Variants in ITGAL observed in about 807,000 individuals in gnomAD.
The protein encoded by ITGAL is integrin subunit alpha L, also known as integrin alpha-L.
Under a neutral mutation model 138.4 loss-of-function variants are expected in ITGAL, and 68 were observed. That is an observed-to-expected ratio of 0.49 (90% confidence interval 0.40 to 0.60). ITGAL has a LOEUF of 0.60. ITGAL is among the 20% of genes least tolerant of loss of function. The pLI is 0.00. For synonymous variants in ITGAL, 561 were observed against 584.3 expected (o/e 0.96, Z 0.57); for missense variants, 1,256 against 1,478.6 (o/e 0.85, Z 2.47).
At chr16:30,503,478 A>C (rs1198633553) in intron 17 of ITGAL, among the ~76,000 whole-genome samples, 1 of 123,308 alleles carries the variant, frequency 8.1e-6, no homozygotes, top group African/African-American at 3.1e-5. Flanking sequence ...GGACAGAAGG[A>C]GGGAGGATGA....
At position 30,494,683 on chromosome 16, in the gene ITGAL, G is replaced by A. The variant is rs528950104; in HGVS notation, c.1366-30G>A. The A allele has an allele frequency of 1.5e-5, 24 of 1,579,328 alleles. No individual in the cohort carries two copies. The highest frequency in any genetic ancestry group is 3.4e-5 in the South Asian group (3 of 87,192). On this transcript the variant is annotated intron_variant, in intron 12 of 30. Coordinates refer to ENST00000356798, the MANE Select transcript of ITGAL (RefSeq NM_002209.3). The surrounding 1 kb of genome is among the most constrained non-coding windows in gnomAD (Gnocchi z 4.2). ...GCCAACCCCTGCTGTTCCCACAGGC[G>A]CTTCCCCAAACACCTGCCTCTCCCC...
intron 5 of ITGAL, 33 bp downstream of exon 5, chr16:30,479,241 C>A: frequency 6.2e-7 from 1 of 1,612,604 alleles, no homozygotes; most frequent in Non-Finnish European, 8.5e-7. Context: ...GGTAAAAATA[C>A]CTCCAAATGG....
At chr16:30,480,970 C>T (rs1362446421) in intron 6 of ITGAL, 1 of 164,566 alleles carries the variant, frequency 6.1e-6, no homozygotes, top group Non-Finnish European at 1.3e-5. Flanking sequence ...GCACTCCAGC[C>T]TGGGAGACAG....
At chr16:30,513,882 C>G (rs1320492534) in intron 25 of ITGAL, 36 bp downstream of exon 25, 1 of 1,461,256 alleles carries the variant, frequency 6.8e-7, no homozygotes, top group Non-Finnish European at 9.6e-7. Context: ...TTATAGGTCA[C>G]ACATTCATTC....
chr16:30,510,039 TA>T (rs1348575714), intron 21 of ITGAL, among the ~76,000 whole-genome samples: 634 of 116,008 alleles, frequency 5.5e-3, no homozygotes, highest in African/African-American at 0.013. Flanking sequence ...ATCCTATATT[TA>T]AAAAAAAAAA....
intron 21 of ITGAL, among the ~76,000 whole-genome samples, chr16:30,508,627 G>A (rs761015704): frequency 2.6e-5 from 4 of 152,118 alleles, no homozygotes; most frequent in South Asian, 2.1e-4. Flanking sequence ...CCGAGAGTTC[G>A]AGGCCGCTGT....
Position 30,494,208 on chromosome 16 carries a change from T to C in ITGAL, c.1214-4T>C. The C allele has an allele frequency of 6.3e-7, 1 of 1,595,688 alleles. No homozygotes were observed. Among genetic ancestry groups the C allele is most frequent in the Non-Finnish European group, 8.6e-7 (1 of 1,167,172 alleles). ...TAACTCCACACCCCACACACTTTCCTCAGGTTACACCGTGACCTGGCTGCC... is the reference window on the plus strand; with the variant it reads ...TAACTCCACACCCCACACACTTTCCCCAGGTTACACCGTGACCTGGCTGCC... On this transcript the variant is annotated splice_polypyrimidine_tract_variant and splice_region_variant and intron_variant, in intron 11 of 30. Coordinates refer to ENST00000356798, the MANE Select transcript of ITGAL (RefSeq NM_002209.3). The surrounding 1 kb of genome is among the most constrained non-coding windows in gnomAD (Gnocchi z 4.2).
Position 30,521,806 on chromosome 16 carries a change from G to A in ITGAL, c.*141G>A, listed in dbSNP as rs928947358. 17 of 779,194 alleles carry A rather than the reference G, an allele frequency of 2.2e-5. No individual in the cohort carries two copies. Among genetic ancestry groups the A allele is most frequent in the Non-Finnish European group, 3.0e-5 (15 of 500,774 alleles). The allele number at this position is 779,194 out of a possible 1,614,324, so 48.3% of individuals were successfully genotyped here. A position where few individuals can be genotyped will look rare whatever the true frequency, so the allele number is the denominator to read the frequency against. ...CCTCAGTTTCCCTATCTCGAACATGGAACTCATTCCTGCCTGTCTCCTTTG... is the reference window on the plus strand; with the variant it reads ...CCTCAGTTTCCCTATCTCGAACATGAAACTCATTCCTGCCTGTCTCCTTTG... On this transcript the variant is annotated 3_prime_UTR_variant, in exon 31 of 31. Transcript: ENST00000356798.
At chr16:30,491,287 G>T (rs1289339264) in intron 11 of ITGAL, among the ~76,000 whole-genome samples, 1 of 151,798 alleles carries the variant, frequency 6.6e-6, no homozygotes, top group East Asian at 1.9e-4. Flanking sequence ...TGTAATCCCA[G>T]CTACTCGGGA....
At chr16:30,509,833 G>A (rs1310303689) in intron 21 of ITGAL, among the ~76,000 whole-genome samples, 1 of 152,040 alleles carries the variant, frequency 6.6e-6, no homozygotes, top group Non-Finnish European at 1.5e-5. Flanking sequence ...GAGCCCAGGA[G>A]TTCAAGAGCA....
intron 9 of ITGAL, among the ~76,000 whole-genome samples, chr16:30,488,069 C>T (rs1276002874): frequency 1.3e-5 from 2 of 151,996 alleles, no homozygotes. Context: ...GTGGTGCATA[C>T]CAGTAGTCCC....
At chr16:30,493,184 C>T (rs533609437) in intron 11 of ITGAL, among the ~76,000 whole-genome samples, 25 of 151,928 alleles carry the variant, frequency 1.6e-4, no homozygotes, top group African/African-American at 6.0e-4. Flanking sequence ...CTGCACTTGG[C>T]CCAGACATGC....
chr16:30,473,348 A>G (rs1441689543), intron 1 of ITGAL, among the ~76,000 whole-genome samples: 1 of 152,168 alleles, frequency 6.6e-6, no homozygotes, highest in Non-Finnish European at 1.5e-5. Context: ...CATGAGAATC[A>G]TTTCATCCCA....
At chr16:30,498,247 C>T (rs570793148) in intron 15 of ITGAL, among the ~76,000 whole-genome samples, 3 of 142,202 alleles carry the variant, frequency 2.1e-5, no homozygotes, top group African/African-American at 8.0e-5. Flanking sequence ...ATTGCTTGAG[C>T]CCAAGAGGAG....
chr16:30,477,001 G>C (rs948169495), intron 4 of ITGAL, among the ~76,000 whole-genome samples: 2 of 152,120 alleles, frequency 1.3e-5, no homozygotes, highest in Non-Finnish European at 2.9e-5. Context: ...TTTCACACAC[G>C]AGGAAACAGG....
intron 29 of ITGAL, among the ~76,000 whole-genome samples, chr16:30,519,214 C>A (rs979931013): frequency 6.6e-6 from 1 of 152,030 alleles, no homozygotes; most frequent in Admixed American, 6.6e-5. Context: ...CAGAGTGAGA[C>A]TTCATCTCAA....
chr16:30,481,526 A>G lies in ITGAL; in HGVS notation c.664A>G (p.Lys222Glu). Residue 222 changes from lysine (K) to glutamate (E), a missense_variant, in exon 7 of 31, where the codon AAG becomes GAG. By Grantham distance (56) the Lys-to-Glu change is moderately conservative. This residue lies in a region of ITGAL where 177 missense variants were observed against 288.8 expected (regional missense o/e 0.61). Transcript: ENST00000356798. ...ACGGAAGGACCCTGATGCTCTGCTG[A>G]AGCATGTAAAGCACATGTTGCTGTT... Reference protein sequence around the residue: ...VKRKDPDALLKHVKHMLLLTN... With the variant: ...VKRKDPDALLEHVKHMLLLTN... 1 of 1,613,504 alleles carries G rather than the reference A, an allele frequency of 6.2e-7. No individual in the cohort carries two copies. Among genetic ancestry groups the G allele is most frequent in the East Asian group, 2.2e-5 (1 of 44,884 alleles).
intron 2 of ITGAL, 192 bp downstream of exon 2, chr16:30,474,490 G>T: frequency 1.7e-6 from 1 of 582,448 alleles, no homozygotes; most frequent in Non-Finnish European, 3.1e-6. Context: ...GGATACACGC[G>T]ATCAGGGAGG....
Position 30,513,766 on chromosome 16 carries a change from C to T in ITGAL, c.2787-5C>T, listed in dbSNP as rs200773566. Reference sequence around the variant, plus strand: ...TCTTCCATCGCTGCCCTTCTCTCTCCGCAGCCAAGAAGACTCCACACTCTA... The same window carrying T: ...TCTTCCATCGCTGCCCTTCTCTCTCTGCAGCCAAGAAGACTCCACACTCTA... On this transcript the variant is annotated splice_polypyrimidine_tract_variant and splice_region_variant and intron_variant, in intron 24 of 30. Transcript: ENST00000356798. 2.5e-5 allele frequency: 41 copies of T among 1,612,464 alleles called. No individual in the cohort carries two copies. Among genetic ancestry groups the T allele is most frequent in the Admixed American group, 1.3e-4 (8 of 59,956 alleles).
Sources: allele counts gnomAD v4.1 joint callset (sites outside exome capture counted in the v4.1 genomes callset), GRCh38; gene constraint gnomAD v4.1.1; regional missense constraint gnomAD v4.1.1; non-coding constraint Gnocchi (gnomAD v3.1); transcripts MANE v1.5; gene names NCBI Gene and HGNC (gene_info 2026-07-23, HGNC 2026-07-21).